The following DNAH11 variants were observed in gnomAD, a reference collection of about 807,000 sequenced individuals.
The protein encoded by DNAH11 is dynein axonemal heavy chain 11, also known as axonemal beta dynein heavy chain 11.
In DNAH11, 442 loss-of-function variants were observed where a neutral mutation model predicts 526.0. That is an observed-to-expected ratio of 0.84 (90% CI 0.78 to 0.91). The LOEUF (loss-of-function observed/expected upper bound fraction) is 0.91. Among genes scored for constraint, DNAH11 ranks in the 40% least tolerant of loss-of-function variants. DNAH11 has a pLI of 0.00. For missense variants in DNAH11, 6,989 were observed against 5,448.7 expected, an observed-to-expected ratio of 1.28 and a Z score of -8.90; for synonymous variants, 2,461 against 1,935.9, an observed-to-expected ratio of 1.27 and a Z score of -7.12.
chr7:21,841,059 C>CTGTAA (rs1655312340), intron 65 of DNAH11, among the ~76,000 whole-genome samples: 1 of 152,042 alleles, frequency 6.6e-6, no homozygotes, highest in African/African-American at 2.4e-5. Flanking sequence ...TGGCATGCAC[C>CTGTAA]TGTAATCTCA....
chr7:21,755,956 G>A (rs925635006), intron 54 of DNAH11, among the ~76,000 whole-genome samples: 5 of 151,908 alleles, frequency 3.3e-5, no homozygotes, highest in Non-Finnish European at 7.4e-5. Context: ...TTATATAATC[G>A]ATGTTATTTA....
chr7:21,637,867 C>CAT (rs944054402), intron 27 of DNAH11, among the ~76,000 whole-genome samples, 165 bp downstream of exon 27: 1 of 151,824 alleles, frequency 6.6e-6, no homozygotes, highest in African/African-American at 2.4e-5. Context: ...TGACATGGAA[C>CAT]ATATATATAG....
At chr7:21,779,701 G>A (rs183434760) in intron 57 of DNAH11, among the ~76,000 whole-genome samples, 17 of 152,166 alleles carry the variant, frequency 1.1e-4, no homozygotes, top group African/African-American at 3.9e-4. Flanking sequence ...ACTGTCTTTT[G>A]TCATCTTCTT....
At chr7:21,627,717 C>G (rs1786406681) in intron 25 of DNAH11, among the ~76,000 whole-genome samples, 1 of 152,070 alleles carries the variant, frequency 6.6e-6, no homozygotes. Flanking sequence ...AGTTTGATGC[C>G]TCTAGCTTTG....
chr7:21,759,536 C>T (rs1287274444), intron 54 of DNAH11, among the ~76,000 whole-genome samples: 1 of 152,154 alleles, frequency 6.6e-6, no homozygotes, highest in Non-Finnish European at 1.5e-5. Context: ...ACCTCCATTC[C>T]TGCGAGGGTT....
chr7:21,572,777 G>A (rs1783943181), intron 8 of DNAH11, among the ~76,000 whole-genome samples: 1 of 152,152 alleles, frequency 6.6e-6, no homozygotes, highest in African/African-American at 2.4e-5. Flanking sequence ...GTCAGTTTTG[G>A]AAAGTGGAGT....
intron 31 of DNAH11, 152 bp from the exon 32 acceptor site, chr7:21,683,632 C>A (rs142337439): frequency 2.1e-5 from 7 of 331,878 alleles, no homozygotes; most frequent in Middle Eastern, 1.5e-3. Context: ...AGTATTTAAC[C>A]ATGTATATGC....
intron 28 of DNAH11, among the ~76,000 whole-genome samples, chr7:21,648,857 TTTG>T (rs1787491961): frequency 6.6e-6 from 1 of 152,200 alleles, no homozygotes. Context: ...AATCCAAGTT[TTTG>T]TTTTCTTTAT....
Position 21,789,763 on chromosome 7 carries a change from C to CTCTTTCTTTCTTTCTTTCTTTCTT in DNAH11, c.10026+443_10026+466dup, listed in dbSNP as rs1554281334. 5.2e-4 allele frequency among the ~76,000 whole-genome samples: 38 copies of CTCTTTCTTTCTTTCTTTCTTTCTT among 73,034 alleles called. 1 individual carries two copies. Among genetic ancestry groups the CTCTTTCTTTCTTTCTTTCTTTCTT allele is most frequent in the Non-Finnish European group, 8.2e-4 (27 of 32,952 alleles). 47.9% of individuals were successfully genotyped at this position (73,034 alleles called of 152,430 possible). A position where few individuals can be genotyped will look rare whatever the true frequency, so the allele number is the denominator to read the frequency against. On this transcript the variant is annotated intron_variant, in intron 61 of 81. Coordinates refer to ENST00000409508, the MANE Select transcript of DNAH11 (RefSeq NM_001277115.2). ...ATTATAATAATAAGCATTTCTTTCT[C>CTCTTTCTTTCTTTCTTTCTTTCTT]TCTTTCTTTCTTTCTTTCTTTCTTT...
chr7:21,891,181 G>A (rs1046017954), intron 76 of DNAH11, among the ~76,000 whole-genome samples: 4 of 152,128 alleles, frequency 2.6e-5, no homozygotes, highest in South Asian at 2.1e-4. Flanking sequence ...ACTGGGTGGT[G>A]GGTACATATT....
intron 25 of DNAH11, among the ~76,000 whole-genome samples, chr7:21,626,441 A>C (rs190528640): frequency 2.6e-5 from 4 of 152,284 alleles, no homozygotes; most frequent in Admixed American, 2.6e-4. Context: ...TGTGTTTTCA[A>C]CATACTGATT....
intron 63 of DNAH11, among the ~76,000 whole-genome samples, chr7:21,813,755 C>T (rs1789638134): frequency 6.6e-6 from 1 of 152,162 alleles, no homozygotes; most frequent in Admixed American, 6.6e-5. Flanking sequence ...AACATGTTGA[C>T]ACTACTTAAT....
chr7:21,739,084 T>G (rs1271939359), intron 47 of DNAH11, among the ~76,000 whole-genome samples: 6 of 152,172 alleles, frequency 3.9e-5, no homozygotes, highest in Admixed American at 3.3e-4. Flanking sequence ...CTTTGTATCT[T>G]TGGAAGATTG....
At chr7:21,782,914 A>G (rs1226494056) in intron 57 of DNAH11, among the ~76,000 whole-genome samples, 1 of 131,412 alleles carries the variant, frequency 7.6e-6, no homozygotes, top group Non-Finnish European at 1.7e-5. Context: ...TCTCAAAAAA[A>G]AAAAAAAAGA....
Position 21,901,386 on chromosome 7 carries a change from C to G in DNAH11, c.*132C>G. On this transcript the variant is annotated 3_prime_UTR_variant, in exon 82 of 82. Coordinates refer to ENST00000409508, the MANE Select transcript of DNAH11 (RefSeq NM_001277115.2). ...CGTGCATTCTTTTTTCAACGCTATC[C>G]TTAGAGTGAAAGTCAGAAAAAAATA... is the stretch of plus-strand genomic sequence containing the variant. 5 of 1,273,292 alleles carry G rather than the reference C, an allele frequency of 3.9e-6. No individual in the cohort carries two copies. Among genetic ancestry groups the G allele is most frequent in the Non-Finnish European group, 5.1e-6 (5 of 983,156 alleles). The allele number at this position is 1,273,292 out of a possible 1,614,324, so 78.9% of individuals were successfully genotyped here. A position where few individuals can be genotyped will look rare whatever the true frequency, so the allele number is the denominator to read the frequency against.
Position 21,800,452 on chromosome 7 carries a change from C to T in DNAH11, c.10027-685C>T, listed in dbSNP as rs189831847. 4.8e-4 allele frequency among the ~76,000 whole-genome samples: 73 copies of T among 152,136 alleles called. 1 individual carries two copies. The highest frequency in any genetic ancestry group is 2.7e-3 in the Admixed American group (41 of 15,288). ...TTCAAGACCAGCCCGGCCAACATGG[C>T]GAAACCTCATCTCCACTAAATCTAC... is the stretch of plus-strand genomic sequence containing the variant. On this transcript the variant is annotated intron_variant, in intron 61 of 81. Transcript: ENST00000409508.
At chr7:21,865,804 A>T (rs746431424) in intron 70 of DNAH11, among the ~76,000 whole-genome samples, 26 of 152,242 alleles carry the variant, frequency 1.7e-4, no homozygotes, top group Non-Finnish European at 3.4e-4. Flanking sequence ...AGTAGCCCTG[A>T]GGGCTGCTGG....
chr7:21,629,294 G>C (rs765741084), intron 25 of DNAH11, among the ~76,000 whole-genome samples: 23 of 152,022 alleles, frequency 1.5e-4, no homozygotes, highest in Non-Finnish European at 2.8e-4. Flanking sequence ...CTACTTTTTA[G>C]AATTTTTTGA....
At chr7:21,715,045 A>G (rs1784600079) in intron 42 of DNAH11, among the ~76,000 whole-genome samples, 1 of 152,216 alleles carries the variant, frequency 6.6e-6, no homozygotes, top group Admixed American at 6.5e-5. Context: ...ATCTTGGGAT[A>G]CTGTATATGC....
Sources: allele counts gnomAD v4.1 joint callset (sites outside exome capture counted in the v4.1 genomes callset), GRCh38; gene constraint gnomAD v4.1.1; transcripts MANE v1.5; gene names NCBI Gene and HGNC (gene_info 2026-07-23, HGNC 2026-07-21).